TEKT1: variants seen among roughly 807,000 people sequenced by gnomAD.
The protein encoded by TEKT1 is tektin-1.
A neutral mutation model predicts 34.8 loss-of-function variants in TEKT1; 32 were observed. That is an observed-to-expected ratio of 0.92 (90% CI 0.69 to 1.23). The LOEUF is 1.23. Among genes scored for constraint, TEKT1 ranks in the 50% most tolerant of loss-of-function variants. The pLI is 0.00. For synonymous variants in TEKT1, 207 were observed against 199.8 expected, an observed-to-expected ratio of 1.04 and a Z score of -0.30; for missense variants, 492 against 518.5, an observed-to-expected ratio of 0.95 and a Z score of 0.50.
chr17:6,829,138 G>C (rs368479762), intron 2 of TEKT1, among the ~76,000 whole-genome samples: 1 of 152,192 alleles, frequency 6.6e-6, no homozygotes. Flanking sequence ...GTGATGGAGC[G>C]AGACTCTGTC....
intron 2 of TEKT1, among the ~76,000 whole-genome samples, chr17:6,822,464 C>T (rs11871833): frequency 0.03 from 4,556 of 152,204 alleles, 218 homozygotes; most frequent in African/African-American, 0.1. Flanking sequence ...TTCTGAAACT[C>T]CTATTAGTTA....
chr17:6,815,471 C>T (rs1312146893), intron 4 of TEKT1, among the ~76,000 whole-genome samples, 165 bp from the exon 5 acceptor site: 2 of 152,032 alleles, frequency 1.3e-5, no homozygotes, highest in East Asian at 1.9e-4. Context: ...ATTTGATGCC[C>T]GGTGACAAAT....
intron 6 of TEKT1, among the ~76,000 whole-genome samples, chr17:6,805,764 T>C (rs1976835407): frequency 6.6e-6 from 1 of 152,220 alleles, no homozygotes; most frequent in South Asian, 2.1e-4. Flanking sequence ...AGTTTCCATG[T>C]AGTTGAGTGG....
At chr17:6,805,536 C>G (rs1976832168) in intron 6 of TEKT1, among the ~76,000 whole-genome samples, 3 of 152,244 alleles carry the variant, frequency 2.0e-5, no homozygotes, top group South Asian at 4.2e-4. Context: ...TCTTGCTTCT[C>G]TAGTTCTTCT....
At chr17:6,828,635 A>G (rs545871117) in intron 2 of TEKT1, among the ~76,000 whole-genome samples, 9 of 152,280 alleles carry the variant, frequency 5.9e-5, no homozygotes, top group Admixed American at 4.6e-4. Context: ...AGGTCCCCAC[A>G]GTCCCTACTA....
chr17:6,827,257 A>ACTTTTTTTTTTTTTTT (rs528734641), intron 2 of TEKT1, among the ~76,000 whole-genome samples: 1 of 124,276 alleles, frequency 8.0e-6, no homozygotes, highest in African/African-American at 3.4e-5. Flanking sequence ...AGTTGTGCCA[A>ACTTTTTTTTTTTTTTT]TTTTTTTTTT....
Position 6,819,239 on chromosome 17 carries a change from T to C in TEKT1, c.310A>G (p.Thr104Ala). Residue 104 changes from threonine to alanine, a missense_variant, in exon 3 of 8, where the codon ACC (threonine) becomes GCC (alanine). Coordinates refer to ENST00000338694, the MANE Select transcript of TEKT1 (RefSeq NM_053285.2). Reference protein sequence around the residue: ...YKIRLEKALETLKEPLHITET... With the variant: ...YKIRLEKALEALKEPLHITET... ...GTGATGTGCAAGGGCTCTTTCAAGG[T>C]CTCCAGGGCTTTTTCCAATCTGATC... 6.2e-7 allele frequency: 1 copy of C among 1,614,012 alleles called. No individual in the cohort carries two copies. The highest frequency in any genetic ancestry group is 8.5e-7 in the Non-Finnish European group (1 of 1,179,956).
intron 6 of TEKT1, among the ~76,000 whole-genome samples, chr17:6,802,816 C>T (rs1007382763): frequency 2.0e-5 from 3 of 152,166 alleles, no homozygotes; most frequent in Admixed American, 2.0e-4. Context: ...GCATAGTATT[C>T]CATGGTGTAT....
intron 2 of TEKT1, among the ~76,000 whole-genome samples, chr17:6,826,914 C>G (rs988809946): frequency 2.0e-5 from 3 of 152,110 alleles, no homozygotes; most frequent in Non-Finnish European, 2.9e-5. Flanking sequence ...CCAGGATGGT[C>G]TCGCTGTCCT....
chr17:6,831,173 CA>C (rs1904564016), intron 1 of TEKT1, among the ~76,000 whole-genome samples: 1 of 152,108 alleles, frequency 6.6e-6, no homozygotes, highest in Non-Finnish European at 1.5e-5. Context: ...CAGGGGAAGC[CA>C]GCTGGCAGAG....
In TEKT1 at chr17:6,799,899, GCT is replaced by G. The variant is rs1482308620; in HGVS notation, c.*126_*127del. 18 of 880,818 alleles carry G rather than the reference GCT, an allele frequency of 2.0e-5. No individual in the cohort carries two copies. The highest frequency in any genetic ancestry group is 5.1e-5 in the African/African-American group (3 of 59,390). The allele number at this position is 880,818 out of a possible 1,614,324, so 54.6% of individuals were successfully genotyped here. The stretch of plus-strand genomic sequence containing the variant: ...GCCCCAAAATCAGCCCCCTGAGCAG[GCT>G]TGGAATGCCAGCCAAGAGGTTGCAG... On this transcript the variant is annotated 3_prime_UTR_variant, in exon 8 of 8. Coordinates refer to ENST00000338694, the MANE Select transcript of TEKT1 (RefSeq NM_053285.2).
chr17:6,812,751 TG>T, intron 6 of TEKT1, 79 bp downstream of exon 6: 1 of 1,392,444 alleles, frequency 7.2e-7, no homozygotes, highest in Non-Finnish European at 9.9e-7. Flanking sequence ...TCTAGCGGTC[TG>T]GCCCAGGGGG....
intron 2 of TEKT1, among the ~76,000 whole-genome samples, chr17:6,822,097 G>GA (rs1184518810): frequency 1.3e-5 from 2 of 152,064 alleles, no homozygotes; most frequent in Non-Finnish European, 2.9e-5. Flanking sequence ...AGGCCTAGGA[G>GA]AAAAAAATGC....
At position 6,799,483 on chromosome 17, in the gene TEKT1, A is replaced by G. The variant is rs1401132816; in HGVS notation, c.*544T>C. ...CATTCAACGCCCCTATAGCCCTGTG[A>G]GTGGGGACTATTGGAGGTCCTATAC... On this transcript the variant is annotated 3_prime_UTR_variant, in exon 8 of 8. Transcript: ENST00000338694. The G allele has an allele frequency of 6.6e-6, 1 of 152,446 alleles. No homozygotes were observed. The highest frequency in any genetic ancestry group is 2.4e-5 in the African/African-American group (1 of 41,420). 9.4% of individuals were successfully genotyped at this position (152,446 alleles called of 1,614,324 possible).
intron 6 of TEKT1, among the ~76,000 whole-genome samples, chr17:6,802,479 ATTTTT>A (rs1202336139): frequency 6.7e-6 from 1 of 149,320 alleles, no homozygotes; most frequent in Admixed American, 6.7e-5. Context: ...GGTGAATTTT[ATTTTT>A]TTATTTTTTT....
chr17:6,810,678 G>A (rs1439907725), intron 6 of TEKT1, among the ~76,000 whole-genome samples: 1 of 152,146 alleles, frequency 6.6e-6, no homozygotes, highest in Non-Finnish European at 1.5e-5. Flanking sequence ...ACAGTGACAT[G>A]TATATAACTT....
At chr17:6,817,468 C>A (rs28487294) in intron 3 of TEKT1, among the ~76,000 whole-genome samples, 19,417 of 152,014 alleles carry the variant, frequency 0.13, 1,428 homozygotes, top group Middle Eastern at 0.22. Context: ...GCACTTACTC[C>A]ATGACAGGCA....
At chr17:6,818,889 TG>T (rs1415902431) in intron 3 of TEKT1, among the ~76,000 whole-genome samples, 1 of 152,162 alleles carries the variant, frequency 6.6e-6, no homozygotes, top group African/African-American at 2.4e-5. Context: ...ACTCTTTGAA[TG>T]TAAGAGAGAA....
intron 2 of TEKT1, among the ~76,000 whole-genome samples, chr17:6,828,661 C>T (rs1189235652): frequency 6.6e-6 from 1 of 152,138 alleles, no homozygotes; most frequent in Non-Finnish European, 1.5e-5. Flanking sequence ...TAATGCCTTA[C>T]ATTCAATCCC....
Sources: gnomAD v4.1 joint callset for allele counts (sites outside exome capture counted in the v4.1 genomes callset) on GRCh38, gnomAD v4.1.1 for gene constraint, MANE v1.5 for transcripts, NCBI Gene and HGNC (gene_info 2026-07-23, HGNC 2026-07-21) for gene names.